Variants in R3HDM1 observed in about 807,000 individuals in gnomAD.
R3HDM1 encodes the protein R3H domain containing 1, also known as R3H domain-containing protein 1.
R3HDM1 carries 46 observed loss-of-function variants against 141.1 expected under a neutral mutation model. The ratio of observed to expected loss-of-function variants is 0.33; its 90% CI spans 0.26 to 0.42. The LOEUF (loss-of-function observed/expected upper bound fraction) is 0.42, where lower values mean the gene tolerates loss of function less well. R3HDM1 is among the 10% of genes least tolerant of loss of function. R3HDM1 has a pLI of 1.00. For missense variants in R3HDM1, 1,184 were observed against 1,368.3 expected, an observed-to-expected ratio of 0.87 and a Z score of 2.12; for synonymous variants, 435 against 472.9, an observed-to-expected ratio of 0.92 and a Z score of 1.04.
chr2:135,722,274 G>A (rs527779383), intron 25 of R3HDM1, among the ~76,000 whole-genome samples, 195 bp from the exon 26 acceptor site: 7 of 152,308 alleles, frequency 4.6e-5, no homozygotes, highest in Admixed American at 2.6e-4. Flanking sequence ...ATGAAGGACC[G>A]TCAGCAAGTG....
intron 19 of R3HDM1, chr2:135,670,159 C>A (rs796209059): frequency 0.019 from 3,874 of 204,626 alleles, 135 homozygotes; most frequent in African/African-American, 0.081. Context: ...AAAAAAAAAA[C>A]CAACAAAAAA....
At chr2:135,542,033 T>G (rs1475030917) in intron 1 of R3HDM1, among the ~76,000 whole-genome samples, 3 of 152,182 alleles carry the variant, frequency 2.0e-5, no homozygotes, top group African/African-American at 7.2e-5. Context: ...TTTATTTGTT[T>G]CATGTGTACC....
intron 9 of R3HDM1, chr2:135,633,959 A>G (rs2062986436): frequency 6.6e-6 from 1 of 152,218 alleles, no homozygotes; most frequent in Non-Finnish European, 1.5e-5. Flanking sequence ...TCTCTCGTTC[A>G]AATATAAACT....
intron 15 of R3HDM1, among the ~76,000 whole-genome samples, chr2:135,642,099 A>AT (rs973674243): frequency 6.6e-6 from 1 of 152,022 alleles, no homozygotes; most frequent in African/African-American, 2.4e-5. Flanking sequence ...TGATATAACA[A>AT]TTTTTTTTAA....
intron 5 of R3HDM1, among the ~76,000 whole-genome samples, chr2:135,618,189 G>A (rs895824849): frequency 1.3e-5 from 2 of 148,234 alleles, no homozygotes; most frequent in African/African-American, 5.0e-5. Context: ...TTGAGACGGA[G>A]TTTCACTCTT....
chr2:135,682,383 G>C (rs751421708), intron 21 of R3HDM1, among the ~76,000 whole-genome samples: 1 of 152,056 alleles, frequency 6.6e-6, no homozygotes, highest in Non-Finnish European at 1.5e-5. Context: ...GTACTTGTCA[G>C]TCCCTTGAAA....
At chr2:135,552,536 A>G (rs1700025787) in intron 1 of R3HDM1, among the ~76,000 whole-genome samples, 1 of 152,214 alleles carries the variant, frequency 6.6e-6, no homozygotes, top group Non-Finnish European at 1.5e-5. Flanking sequence ...GACTAAGTCA[A>G]CAACCAGTGA....
intron 1 of R3HDM1, among the ~76,000 whole-genome samples, chr2:135,538,002 C>T (rs1423843515): frequency 6.6e-6 from 1 of 152,116 alleles, no homozygotes; most frequent in Non-Finnish European, 1.5e-5. Context: ...TGCAGTCACA[C>T]CTTGTTTAAC....
chr2:135,708,464 C>T (rs1159056576), intron 21 of R3HDM1, among the ~76,000 whole-genome samples: 1 of 152,040 alleles, frequency 6.6e-6, no homozygotes, highest in Non-Finnish European at 1.5e-5. Flanking sequence ...AAAGTTATTC[C>T]AACTAAATTA....
At chr2:135,639,266 A>T (rs2063550643) in intron 14 of R3HDM1, 144 bp downstream of exon 14, 1 of 696,656 alleles carries the variant, frequency 1.4e-6, no homozygotes, top group Non-Finnish European at 2.4e-6. Flanking sequence ...GGAGCACTTA[A>T]GGGGTAATAT....
intron 1 of R3HDM1, among the ~76,000 whole-genome samples, chr2:135,589,324 T>A (rs1369169004): frequency 6.6e-6 from 1 of 152,198 alleles, no homozygotes; most frequent in Non-Finnish European, 1.5e-5. Flanking sequence ...CATACAGCTC[T>A]TCCTCCTCTG....
intron 11 of R3HDM1, 29 bp from the exon 12 acceptor site, chr2:135,638,589 C>G: frequency 6.3e-7 from 1 of 1,585,508 alleles, no homozygotes; most frequent in South Asian, 1.1e-5. Context: ...GACAAAAGCT[C>G]AACTTTTTGT....
intron 7 of R3HDM1, 147 bp downstream of exon 7, chr2:135,622,879 G>A: frequency 7.4e-7 from 1 of 1,352,422 alleles, no homozygotes; most frequent in African/African-American, 1.5e-5. Flanking sequence ...GGGCAAAGAT[G>A]TTGTTGGTCT....
intron 1 of R3HDM1, among the ~76,000 whole-genome samples, chr2:135,547,364 G>A (rs1439908555): frequency 6.6e-6 from 1 of 151,898 alleles, no homozygotes; most frequent in African/African-American, 2.4e-5. Context: ...AATGTTTCTA[G>A]CACCAAAAAT....
At chr2:135,710,271 T>C in intron 23 of R3HDM1, 40 bp downstream of exon 23, 3 of 1,569,724 alleles carry the variant, frequency 1.9e-6, no homozygotes, top group Non-Finnish European at 8.7e-7. Context: ...AAACGTTACA[T>C]TTTTGTTACC....
At chr2:135,606,987 GT>G (rs1247298532) in intron 3 of R3HDM1, among the ~76,000 whole-genome samples, 16 of 92,810 alleles carry the variant, frequency 1.7e-4, no homozygotes, top group African/African-American at 6.1e-4. Context: ...GGGGGGCGGG[GT>G]TTTTTTGTTT....
intron 14 of R3HDM1, 140 bp downstream of exon 14, chr2:135,639,262 C>T (rs2063550359): frequency 1.4e-6 from 1 of 717,156 alleles, no homozygotes; most frequent in East Asian, 2.8e-5. Context: ...CTCCGGAGCA[C>T]TTAAGGGGTA....
intron 1 of R3HDM1, among the ~76,000 whole-genome samples, chr2:135,548,019 G>A (rs1375218921): frequency 2.0e-5 from 3 of 152,020 alleles, no homozygotes; most frequent in Non-Finnish European, 2.9e-5. Context: ...TGATCCACCC[G>A]CCTTAGCCTC....
chr2:135,619,552 T>A (rs1364777629), intron 5 of R3HDM1: 1 of 162,752 alleles, frequency 6.1e-6, no homozygotes, highest in Non-Finnish European at 1.3e-5. Flanking sequence ...AAGCTTTTTC[T>A]TTTTGGATAA....
Sources: allele counts gnomAD v4.1 joint callset (sites outside exome capture counted in the v4.1 genomes callset), GRCh38; gene constraint gnomAD v4.1.1; transcripts MANE v1.5; gene names NCBI Gene and HGNC (gene_info 2026-07-23, HGNC 2026-07-21).